Variants in AKAP19 observed in about 807,000 individuals in gnomAD.
The protein encoded by AKAP19 is A-kinase anchoring protein 19, also known as small A-kinase anchoring protein.
chr2:190,174,723 A>T, the AKAP19 span, among the ~76,000 whole-genome samples: 2 of 152,222 alleles, frequency 1.3e-5, no homozygotes, highest in Non-Finnish European at 2.9e-5. Context: ...ACCAATGGTT[A>T]TTGCAGTATT....
At chr2:190,028,464 C>G in the AKAP19 span, among the ~76,000 whole-genome samples, 4 of 152,016 alleles carry the variant, frequency 2.6e-5, no homozygotes, top group Non-Finnish European at 5.9e-5. Flanking sequence ...CTTAAGTGTT[C>G]ATGAAAAAAT....
the AKAP19 span, chr2:190,180,774 A>G: frequency 4.1e-6 from 4 of 985,244 alleles, no homozygotes; most frequent in Non-Finnish European, 4.8e-6. This position sits in a 1 kb window ranked among gnomAD's most constrained non-coding sequence, Gnocchi z 6.8. Context: ...GCGGGCCGCG[A>G]ACCCGCGAGG....
the AKAP19 span, among the ~76,000 whole-genome samples, chr2:189,985,884 T>C: frequency 6.6e-6 from 1 of 152,152 alleles, no homozygotes; most frequent in African/African-American, 2.4e-5. Context: ...GGCAAACATG[T>C]AGGTAAATCT....
chr2:189,982,978 A>T, the AKAP19 span, among the ~76,000 whole-genome samples: 1 of 152,208 alleles, frequency 6.6e-6, no homozygotes, highest in African/African-American at 2.4e-5. Flanking sequence ...TCAGCCTGTA[A>T]TCCAGTAGAT....
chr2:189,960,863 G>T, the AKAP19 span, among the ~76,000 whole-genome samples: 1 of 152,154 alleles, frequency 6.6e-6, no homozygotes, highest in Non-Finnish European at 1.5e-5. Flanking sequence ...GGCCTACAGA[G>T]ATTCCTTTCT....
the AKAP19 span, among the ~76,000 whole-genome samples, chr2:189,888,946 CTGAT>C: frequency 5.3e-5 from 8 of 152,108 alleles, no homozygotes; most frequent in Non-Finnish European, 1.0e-4. Flanking sequence ...TTTCTCTTGC[CTGAT>C]TGGAGAACTT....
the AKAP19 span, among the ~76,000 whole-genome samples, chr2:189,938,164 G>A: frequency 6.6e-6 from 1 of 151,906 alleles, no homozygotes; most frequent in Non-Finnish European, 1.5e-5. Context: ...GGTGAACCCC[G>A]TCTCTACTAA....
chr2:190,112,001 C>T, the AKAP19 span, among the ~76,000 whole-genome samples: 1 of 152,006 alleles, frequency 6.6e-6, no homozygotes, highest in African/African-American at 2.4e-5. Flanking sequence ...GGGTTCACGC[C>T]ATTCTCCTGC....
chr2:190,192,988 T>C, the AKAP19 span, among the ~76,000 whole-genome samples: 1 of 152,100 alleles, frequency 6.6e-6, no homozygotes, highest in South Asian at 2.1e-4. Flanking sequence ...TCAATCTTTA[T>C]GCTTTGTATG....
the AKAP19 span, among the ~76,000 whole-genome samples, chr2:190,041,682 A>G: frequency 6.6e-6 from 1 of 152,148 alleles, no homozygotes; most frequent in African/African-American, 2.4e-5. Flanking sequence ...ATTTTGAGGT[A>G]TGTTCCTTCA....
the AKAP19 span, among the ~76,000 whole-genome samples, chr2:190,051,983 G>A: frequency 1.3e-5 from 2 of 151,766 alleles, no homozygotes; most frequent in Non-Finnish European, 2.9e-5. Context: ...GACTACAGGC[G>A]CCCGCCACCA....
the AKAP19 span, among the ~76,000 whole-genome samples, chr2:190,091,272 CAG>C: frequency 1.3e-5 from 2 of 152,150 alleles, no homozygotes; most frequent in Non-Finnish European, 2.9e-5. Flanking sequence ...GGGACTGAAA[CAG>C]AAACTCATTT....
At chr2:190,009,185 G>T in the AKAP19 span, among the ~76,000 whole-genome samples, 92,078 of 151,968 alleles carry the variant, frequency 0.61, 31,461 homozygotes, top group South Asian at 0.78. Context: ...AACATGTAAG[G>T]CCTTGTAGAG....
chr2:189,978,686 A>G, the AKAP19 span, among the ~76,000 whole-genome samples: 1,941 of 152,334 alleles, frequency 0.013, 31 homozygotes, highest in Non-Finnish European at 0.019. Flanking sequence ...TTCACTTAGG[A>G]TAATGGCCTT....
At chr2:190,180,106 T>C in the AKAP19 span, among the ~76,000 whole-genome samples, 1 of 152,252 alleles carries the variant, frequency 6.6e-6, no homozygotes, top group African/African-American at 2.4e-5. This position sits in a 1 kb window ranked among gnomAD's most constrained non-coding sequence, Gnocchi z 6.8. Context: ...TGGAAAAGTA[T>C]AAAATGGATA....
At chr2:189,945,308 A>G in the AKAP19 span, among the ~76,000 whole-genome samples, 4 of 152,198 alleles carry the variant, frequency 2.6e-5, no homozygotes, top group Non-Finnish European at 1.5e-5. Context: ...CCTTATGGAG[A>G]GGTCTATGTG....
chr2:189,949,234 G>A, the AKAP19 span, among the ~76,000 whole-genome samples: 1 of 152,116 alleles, frequency 6.6e-6, no homozygotes, highest in Non-Finnish European at 1.5e-5. Context: ...TGCAGAACCC[G>A]TAGATGTGGA....
At chr2:190,059,331 T>A in the AKAP19 span, among the ~76,000 whole-genome samples, 6 of 152,010 alleles carry the variant, frequency 3.9e-5, no homozygotes, top group African/African-American at 1.4e-4. Flanking sequence ...TAAGGTATTG[T>A]CATTTACTTG....
the AKAP19 span, among the ~76,000 whole-genome samples, chr2:190,111,030 G>A: frequency 3.3e-5 from 5 of 152,142 alleles, no homozygotes; most frequent in African/African-American, 9.7e-5. Flanking sequence ...AAAGGGAATC[G>A]GTAGAGAATT....
Sources: allele counts gnomAD v4.1 joint callset (sites outside exome capture counted in the v4.1 genomes callset), GRCh38; gene constraint gnomAD v4.1.1; non-coding constraint Gnocchi (gnomAD v3.1); transcripts MANE v1.5; gene names NCBI Gene and HGNC (gene_info 2026-07-23, HGNC 2026-07-21).